Variants in AMD1 observed in about 807,000 individuals in gnomAD.
AMD1 encodes the protein S-adenosylmethionine decarboxylase proenzyme.
Under a neutral mutation model 40.2 loss-of-function variants are expected in AMD1, and 11 were observed. That is an observed-to-expected ratio of 0.27 (90% CI 0.17 to 0.45). AMD1 has a LOEUF of 0.45. AMD1 is among the 20% of genes least tolerant of loss of function. AMD1 has a pLI of 1.00. For missense variants in AMD1, 257 were observed against 410.2 expected (o/e 0.63, Z 3.23); for synonymous variants, 121 against 130.8 (o/e 0.93, Z 0.51).
the AMD1 span, among the ~76,000 whole-genome samples, chr6:110,821,482 C>A: frequency 1.3e-5 from 2 of 151,834 alleles, 1 homozygote; most frequent in African/African-American, 4.8e-5. Flanking sequence ...AGTGTGGTGG[C>A]GGGCACCTGT....
At chr6:110,843,342 T>C in the AMD1 span, among the ~76,000 whole-genome samples, 3 of 150,330 alleles carry the variant, frequency 2.0e-5, no homozygotes, top group Non-Finnish European at 4.4e-5. Flanking sequence ...TGCAGGCCTA[T>C]AATCCCAGCT....
At chr6:110,868,358 C>T in the AMD1 span, among the ~76,000 whole-genome samples, 2 of 152,116 alleles carry the variant, frequency 1.3e-5, no homozygotes, top group African/African-American at 2.4e-5. Context: ...ACCTTTTTAG[C>T]TAGAGTGGTC....
In AMD1 at chr6:110,894,583, G is replaced by A. The variant is rs1042058635; in HGVS notation, c.*967G>A. ...GTAGCACCCCTTTACTAACTTAGTA[G>A]TAGTATAAAATCATTTTTATTTAGT... On this transcript the variant is annotated 3_prime_UTR_variant, in exon 9 of 9. Coordinates refer to ENST00000368885, the MANE Select transcript of AMD1 (RefSeq NM_001634.6). The A allele has an allele frequency of 1.3e-5, 2 of 152,194 alleles. No individual in the cohort carries two copies. Among genetic ancestry groups the A allele is most frequent in the Non-Finnish European group, 2.9e-5 (2 of 68,028 alleles). 9.4% of individuals were successfully genotyped at this position (152,194 alleles called of 1,614,324 possible). A position where few individuals can be genotyped will look rare whatever the true frequency, so the allele number is the denominator to read the frequency against.
chr6:110,880,896 T>C (rs1785375012), intron 1 of AMD1, among the ~76,000 whole-genome samples: 1 of 152,196 alleles, frequency 6.6e-6, no homozygotes, highest in African/African-American at 2.4e-5. Flanking sequence ...GGTCTTGAAC[T>C]CCTGACCTCA....
At chr6:110,865,389 GAT>G in the AMD1 span, among the ~76,000 whole-genome samples, 2 of 152,174 alleles carry the variant, frequency 1.3e-5, no homozygotes, top group Admixed American at 1.3e-4. Flanking sequence ...TAAAATTGCA[GAT>G]AGTTTTTTTT....
rs143903348 is a variant in AMD1 at position 110,890,013 on chromosome 6, AAGAG to A, written c.325-227_325-224del. The A allele has an allele frequency of 5.1e-4, 190 of 375,766 alleles. 1 individual carries two copies. Among genetic ancestry groups the A allele is most frequent in the African/African-American group, 3.1e-3 (146 of 46,526 alleles). The allele number at this position is 375,766 out of a possible 1,614,324, so 23.3% of individuals were successfully genotyped here. ...TCACTAGACTGGGCTTTTTAAAAAAAAGAGAGAGAGAGAGAGATGGGGCCTCAGT... is the reference window on the plus strand; with the variant it reads ...TCACTAGACTGGGCTTTTTAAAAAAAAGAGAGAGAGAGATGGGGCCTCAGT... On this transcript the variant is annotated intron_variant, in intron 3 of 8. Transcript: ENST00000368885.
At chr6:110,886,327 A>G (rs1267499691) in intron 1 of AMD1, among the ~76,000 whole-genome samples, 1 of 152,016 alleles carries the variant, frequency 6.6e-6, no homozygotes, top group African/African-American at 2.4e-5. Context: ...AGACCAGGGT[A>G]TTACTCTATC....
the AMD1 span, chr6:110,858,690 A>T: frequency 1.0e-6 from 1 of 960,102 alleles, no homozygotes; most frequent in Non-Finnish European, 1.7e-6. Flanking sequence ...GAGAAGCAGG[A>T]GCCGAACTTC....
At chr6:110,843,379 G>A in the AMD1 span, among the ~76,000 whole-genome samples, 6 of 149,766 alleles carry the variant, frequency 4.0e-5, no homozygotes, top group South Asian at 2.1e-4. Flanking sequence ...CAGGAGAATC[G>A]CTAGAACCGA....
chr6:110,852,434 C>T, the AMD1 span, among the ~76,000 whole-genome samples: 1 of 151,762 alleles, frequency 6.6e-6, no homozygotes, highest in Non-Finnish European at 1.5e-5. Flanking sequence ...GTTGCCCAGG[C>T]TGTTCTCGAA....
chr6:110,877,863 CAA>C (rs1334966851), intron 1 of AMD1, among the ~76,000 whole-genome samples: 1 of 151,978 alleles, frequency 6.6e-6, no homozygotes, highest in African/African-American at 2.4e-5. Context: ...TGGAATTAAA[CAA>C]ATCTGTTTAT....
chr6:110,851,627 T>C, the AMD1 span, among the ~76,000 whole-genome samples: 8 of 152,112 alleles, frequency 5.3e-5, no homozygotes, highest in Non-Finnish European at 1.0e-4. Flanking sequence ...CATGCCCAGC[T>C]AATTTTATAT....
chr6:110,840,925 T>G, the AMD1 span, among the ~76,000 whole-genome samples: 3 of 152,234 alleles, frequency 2.0e-5, no homozygotes, highest in Non-Finnish European at 4.4e-5. Context: ...CCAATATCTA[T>G]TATACATCAT....
the AMD1 span, among the ~76,000 whole-genome samples, chr6:110,819,427 T>A: frequency 1.1e-3 from 167 of 152,232 alleles, 1 homozygote; most frequent in Non-Finnish European, 1.9e-4. Flanking sequence ...AAAAAGCACA[T>A]ACTATAATTA....
At chr6:110,859,987 T>C in the AMD1 span, among the ~76,000 whole-genome samples, 8 of 152,140 alleles carry the variant, frequency 5.3e-5, no homozygotes, top group African/African-American at 1.4e-4. Context: ...CCACCACGCC[T>C]GGCTAATTTT....
Position 110,895,224 on chromosome 6 carries a change from T to TTTGA in AMD1, c.*1609_*1612dup, listed in dbSNP as rs1223196742. On this transcript the variant is annotated 3_prime_UTR_variant, in exon 9 of 9. Coordinates refer to ENST00000368885, the MANE Select transcript of AMD1 (RefSeq NM_001634.6). ...GTTTCTAAACCTAAAATCTACTTGG[T>TTTGA]TTGAAATCAAGTGGTTGGAACACTG... is the stretch of plus-strand genomic sequence containing the variant. The TTTGA allele has an allele frequency of 2.6e-5, 4 of 152,224 alleles. No homozygotes were observed. The highest frequency in any genetic ancestry group is 2.6e-4 in the Admixed American group (4 of 15,284). 9.4% of individuals were successfully genotyped at this position (152,224 alleles called of 1,614,324 possible).
chr6:110,865,078 G>A, the AMD1 span, among the ~76,000 whole-genome samples: 1 of 152,218 alleles, frequency 6.6e-6, no homozygotes, highest in Non-Finnish European at 1.5e-5. Flanking sequence ...GGAATGTGGG[G>A]AGGATTCCAA....
chr6:110,860,868 CACAG>C, the AMD1 span, among the ~76,000 whole-genome samples: 273 of 142,368 alleles, frequency 1.9e-3, 2 homozygotes, highest in African/African-American at 5.8e-3. Context: ...CACACACACA[CACAG>C]AGAGAGAGAA....
the AMD1 span, among the ~76,000 whole-genome samples, chr6:110,826,386 T>C: frequency 2.0e-5 from 3 of 151,800 alleles, no homozygotes; most frequent in Admixed American, 1.3e-4. Flanking sequence ...AAGGGCTTGA[T>C]TGATGCCTGT....
Sources: allele counts gnomAD v4.1 joint callset (sites outside exome capture counted in the v4.1 genomes callset), GRCh38; gene constraint gnomAD v4.1.1; transcripts MANE v1.5; gene names NCBI Gene and HGNC (gene_info 2026-07-23, HGNC 2026-07-21).